Variants in BFSP1 observed in about 807,000 individuals in gnomAD.
BFSP1 encodes the protein beaded filament structural protein 1.
Under a neutral mutation model 43.9 loss-of-function variants are expected in BFSP1, and 38 were observed. The observed-to-expected ratio is 0.87, with a 90% CI of 0.67 to 1.14. BFSP1 has a LOEUF of 1.14. Among genes scored for constraint, BFSP1 ranks in the 50% most tolerant of loss-of-function variants. BFSP1 has a pLI of 0.00. For missense variants in BFSP1, 850 were observed against 875.1 expected (o/e 0.97, Z 0.36); for synonymous variants, 352 against 354.8 (o/e 0.99, Z 0.09).
chr20:17,546,220 C>G (rs1249997363), intron 1 of BFSP1, among the ~76,000 whole-genome samples: 1 of 152,134 alleles, frequency 6.6e-6, no homozygotes, highest in African/African-American at 2.4e-5. Context: ...GCAGGCATGT[C>G]TTACATTGTG....
chr20:17,501,123 C>T (rs552963782), intron 5 of BFSP1, among the ~76,000 whole-genome samples: 145 of 152,324 alleles, frequency 9.5e-4, no homozygotes, highest in African/African-American at 3.2e-3. Context: ...CATGTATGTC[C>T]ACTGCAGGCA....
At chr20:17,496,393 A>C (rs1037474810) in intron 7 of BFSP1, among the ~76,000 whole-genome samples, 4 of 152,224 alleles carry the variant, frequency 2.6e-5, no homozygotes, top group African/African-American at 9.6e-5. Flanking sequence ...TTACAGACCA[A>C]ATGTTGAAGG....
intron 1 of BFSP1, among the ~76,000 whole-genome samples, chr20:17,567,968 A>G (rs1337616871): frequency 6.6e-6 from 1 of 151,314 alleles, no homozygotes; most frequent in Non-Finnish European, 1.5e-5. Context: ...AAAAAAAAAG[A>G]AGGAACTACT....
At chr20:17,566,226 T>C (rs1458719545) in intron 1 of BFSP1, among the ~76,000 whole-genome samples, 1 of 152,056 alleles carries the variant, frequency 6.6e-6, no homozygotes, top group Non-Finnish European at 1.5e-5. Context: ...CTATGCTGTA[T>C]ATTGACAGTG....
chr20:17,506,411 C>T (rs961053842), intron 5 of BFSP1, among the ~76,000 whole-genome samples: 3 of 152,078 alleles, frequency 2.0e-5, no homozygotes, highest in African/African-American at 7.2e-5. Context: ...TGGACACAGC[C>T]GTGTTTCATC....
At chr20:17,506,431 C>G (rs2033938815) in intron 5 of BFSP1, among the ~76,000 whole-genome samples, 1 of 152,036 alleles carries the variant, frequency 6.6e-6, no homozygotes, top group African/African-American at 2.4e-5. Flanking sequence ...CAGCTACATG[C>G]TATAGCTTGT....
At chr20:17,502,625 G>A (rs1349293314) in intron 5 of BFSP1, among the ~76,000 whole-genome samples, 1 of 152,170 alleles carries the variant, frequency 6.6e-6, no homozygotes, top group Admixed American at 6.5e-5. Flanking sequence ...TGTGGAAGTT[G>A]GGTGAGGGGT....
intron 5 of BFSP1, among the ~76,000 whole-genome samples, chr20:17,499,546 C>T (rs2033745059): frequency 6.6e-6 from 1 of 151,946 alleles, no homozygotes; most frequent in Non-Finnish European, 1.5e-5. Context: ...CGCACCCAGC[C>T]CTTCTTGCAC....
intron 6 of BFSP1, among the ~76,000 whole-genome samples, chr20:17,497,481 CGTGTGTATATATAT>C: frequency 1.1e-5 from 1 of 92,206 alleles, no homozygotes; most frequent in Non-Finnish European, 2.3e-5. Context: ...CGTATATATA[CGTGTGTATATATAT>C]ATACACGTAT....
intron 1 of BFSP1, among the ~76,000 whole-genome samples, chr20:17,529,774 C>CA (rs2034494563): frequency 6.6e-6 from 1 of 151,726 alleles, no homozygotes; most frequent in South Asian, 2.1e-4. Context: ...GTACCTGTTG[C>CA]AGTGAGTATC....
At chr20:17,501,518 TGCACCCCAGACTGGGTGACAGA>T (rs36211012) in intron 5 of BFSP1, among the ~76,000 whole-genome samples, 35,873 of 136,118 alleles carry the variant, frequency 0.26, 5,100 homozygotes, top group Admixed American at 0.3. Context: ...ATCATGCCAC[TGCACCCCAGACTGGGTGACAGA>T]GCACCCCAGA....
intron 1 of BFSP1, among the ~76,000 whole-genome samples, chr20:17,558,216 C>G (rs375276726): frequency 6.6e-6 from 1 of 150,514 alleles, no homozygotes; most frequent in East Asian, 1.9e-4. Context: ...TTTTATGATG[C>G]GTAAAATTTT....
At chr20:17,499,403 C>CTTTT (rs34583097) in intron 5 of BFSP1, among the ~76,000 whole-genome samples, 54 of 82,030 alleles carry the variant, frequency 6.6e-4, no homozygotes, top group Non-Finnish European at 8.8e-4. Flanking sequence ...ACATGCTGGG[C>CTTTT]TTTTTTTTTT....
chr20:17,516,995 G>A (rs891665120), intron 2 of BFSP1: 1 of 764,374 alleles, frequency 1.3e-6, no homozygotes, highest in East Asian at 2.4e-5. Flanking sequence ...AGCAACTGGA[G>A]GATGGATGTG....
intron 1 of BFSP1, among the ~76,000 whole-genome samples, chr20:17,556,971 C>T (rs1467845337): frequency 2.0e-5 from 3 of 152,108 alleles, no homozygotes; most frequent in African/African-American, 4.8e-5. Flanking sequence ...CAGGCCCATC[C>T]GTGTCCTGGC....
intron 2 of BFSP1, among the ~76,000 whole-genome samples, chr20:17,515,968 G>C (rs1188826182): frequency 6.6e-6 from 1 of 152,184 alleles, no homozygotes; most frequent in Non-Finnish European, 1.5e-5. Context: ...ATGAGATGTA[G>C]GGACACTCCC....
intron 2 of BFSP1, among the ~76,000 whole-genome samples, chr20:17,523,765 C>G (rs1404801984): frequency 6.6e-6 from 1 of 151,738 alleles, no homozygotes; most frequent in Non-Finnish European, 1.5e-5. Flanking sequence ...ATCATACGTG[C>G]TCACGCGCAG....
At position 17,499,242 on chromosome 20, in the gene BFSP1, AT is replaced by A. The variant is rs11339300; in HGVS notation, c.736-203del. Among the ~76,000 whole-genome samples the A allele has an allele frequency of 0.47, 61,123 of 129,252 alleles. 14,261 individuals are homozygous for A. Among genetic ancestry groups the A allele is most frequent in the East Asian group, 0.68 (2,900 of 4,284 alleles). The allele number at this position is 129,252 out of a possible 152,430, so 84.8% of individuals were successfully genotyped here. On this transcript the variant is annotated intron_variant, in intron 5 of 7. Coordinates refer to ENST00000377873, the MANE Select transcript of BFSP1 (RefSeq NM_001195.5). ...AACTGAGCTCCTGTGTCCTTACACA[AT>A]TTTTTTTTTTTTTTTTTTTGATAGA... is the stretch of plus-strand genomic sequence containing the variant.
chr20:17,562,213 C>A (rs945406962), upstream of BFSP1, among the ~76,000 whole-genome samples: 2 of 151,674 alleles, frequency 1.3e-5, no homozygotes, highest in Non-Finnish European at 2.9e-5. Flanking sequence ...AGCCACCGCG[C>A]CCGGAGGATT....
Sources: gnomAD v4.1 joint callset for allele counts (sites outside exome capture counted in the v4.1 genomes callset) on GRCh38, gnomAD v4.1.1 for gene constraint, MANE v1.5 for transcripts, NCBI Gene and HGNC (gene_info 2026-07-23, HGNC 2026-07-21) for gene names.